RSRC1: variants seen among roughly 807,000 people sequenced by gnomAD.
The protein encoded by RSRC1 is arginine and serine rich coiled-coil 1, also known as serine/Arginine-related protein 53.
A neutral mutation model predicts 49.1 loss-of-function variants in RSRC1; 39 were observed. That is an observed-to-expected ratio of 0.79 (90% CI 0.61 to 1.04). RSRC1 has a LOEUF of 1.04. RSRC1 is among the 50% of genes least tolerant of loss of function. The probability of loss-of-function intolerance (pLI) is 0.00; values close to 1 mark genes in which losing one functional copy is unlikely to be tolerated. For missense variants in RSRC1, 388 were observed against 402.4 expected, an observed-to-expected ratio of 0.96 and a Z score of 0.31; for synonymous variants, 143 against 130.8, an observed-to-expected ratio of 1.09 and a Z score of -0.63.
At chr3:158,302,553 T>C (rs1727614757) in intron 5 of RSRC1, 2 of 139,512 alleles carry the variant, frequency 1.4e-5, no homozygotes, top group Non-Finnish European at 3.1e-5. Context: ...TAGATGTTGC[T>C]CCTGACTTTT....
intron 4 of RSRC1, among the ~76,000 whole-genome samples, chr3:158,203,783 G>A (rs899041609): frequency 1.6e-4 from 25 of 152,116 alleles, no homozygotes; most frequent in Non-Finnish European, 5.9e-5. Flanking sequence ...GAGTGTATCT[G>A]CTTATGAGGT....
At chr3:158,502,191 C>G (rs1311086973) in intron 7 of RSRC1, among the ~76,000 whole-genome samples, 1 of 152,122 alleles carries the variant, frequency 6.6e-6, no homozygotes, top group East Asian at 1.9e-4. Flanking sequence ...AAGATACGGC[C>G]CCAATCTCTG....
intron 7 of RSRC1, among the ~76,000 whole-genome samples, chr3:158,514,482 T>C (rs1340440197): frequency 6.6e-6 from 1 of 152,152 alleles, no homozygotes; most frequent in Non-Finnish European, 1.5e-5. Flanking sequence ...GTCTGAGAGA[T>C]AGTTTGTTAT....
chr3:158,447,830 T>C (rs1445786584), intron 6 of RSRC1, among the ~76,000 whole-genome samples: 3 of 152,028 alleles, frequency 2.0e-5, no homozygotes, highest in East Asian at 3.9e-4. Flanking sequence ...GAAATGACTT[T>C]TTCGATATCA....
chr3:158,214,656 A>C (rs1010707952), intron 4 of RSRC1, among the ~76,000 whole-genome samples: 1 of 151,706 alleles, frequency 6.6e-6, no homozygotes, highest in Non-Finnish European at 1.5e-5. Context: ...AATATTTTCT[A>C]ATTTTCCTTG....
At chr3:158,437,841 T>G (rs912698115) in intron 6 of RSRC1, among the ~76,000 whole-genome samples, 2 of 151,934 alleles carry the variant, frequency 1.3e-5, no homozygotes, top group African/African-American at 2.4e-5. Flanking sequence ...AAGAAAGAAA[T>G]AAAGGGTATT....
At chr3:158,139,940 C>A (rs1453122375) in intron 3 of RSRC1, among the ~76,000 whole-genome samples, 2 of 152,030 alleles carry the variant, frequency 1.3e-5, no homozygotes, top group Non-Finnish European at 2.9e-5. Context: ...GCCTGAATAT[C>A]CAATTAGTAT....
At chr3:158,272,446 T>C (rs1455642263) in intron 4 of RSRC1, among the ~76,000 whole-genome samples, 1 of 152,166 alleles carries the variant, frequency 6.6e-6, no homozygotes, top group African/African-American at 2.4e-5. Flanking sequence ...TTCCAGGCTT[T>C]TGTTTTTCTT....
rs1283989660 is a variant in RSRC1, at chr3:158,518,116, G to GCATATATATA, written c.653-18976_653-18975insCATATATATA. On this transcript the variant is annotated intron_variant, in intron 7 of 9. Transcript: ENST00000611884. ...CGTGCGTGTGTGTGTGTGTGTGTGT[G>GCATATATATA]TGTGTGTGTGTATATATATATATAT... Among the ~76,000 whole-genome samples, 52 of 80,364 alleles carry GCATATATATA rather than the reference G, an allele frequency of 6.5e-4. 4 individuals are homozygous for GCATATATATA. Among genetic ancestry groups the GCATATATATA allele is most frequent in the African/African-American group, 3.4e-3 (50 of 14,542 alleles). 52.7% of individuals were successfully genotyped at this position (80,364 alleles called of 152,430 possible).
intron 4 of RSRC1, among the ~76,000 whole-genome samples, chr3:158,256,322 G>A (rs1342515498): frequency 6.6e-6 from 1 of 152,160 alleles, no homozygotes; most frequent in Non-Finnish European, 1.5e-5. Context: ...AGATAATAAT[G>A]TGGTTTTTGT....
chr3:158,543,631 C>T, intron 9 of RSRC1, 144 bp downstream of exon 9: 1 of 785,052 alleles, frequency 1.3e-6, no homozygotes, highest in Non-Finnish European at 2.0e-6. Flanking sequence ...CATCTGGCCC[C>T]CAGGCCTTTA....
chr3:158,172,252 T>C (rs1718922340), intron 3 of RSRC1, among the ~76,000 whole-genome samples: 1 of 152,160 alleles, frequency 6.6e-6, no homozygotes, highest in Non-Finnish European at 1.5e-5. Context: ...AAGGAAACCA[T>C]GCCCAGACAT....
At chr3:158,254,180 G>T (rs1236387537) in intron 4 of RSRC1, among the ~76,000 whole-genome samples, 2 of 152,176 alleles carry the variant, frequency 1.3e-5, no homozygotes, top group African/African-American at 2.4e-5. Context: ...GGACATTTGG[G>T]TTGGTTCCAC....
Position 158,196,670 on chromosome 3 carries a change from G to A in RSRC1, c.321-6402G>A, listed in dbSNP as rs184490867. 3.7e-3 allele frequency among the ~76,000 whole-genome samples: 558 copies of A among 152,214 alleles called. 4 individuals are homozygous for A. The highest frequency in any genetic ancestry group is 8.1e-3 in the East Asian group (42 of 5,182). On this transcript the variant is annotated intron_variant, in intron 3 of 9. Coordinates refer to ENST00000611884, the MANE Select transcript of RSRC1 (RefSeq NM_001271838.2). ...GATAGCTCTTATTATTTTGAGATAT[G>A]TCTCATCAATACCTAATTTATTGAG...
chr3:158,260,043 C>T (rs543529444), intron 4 of RSRC1, among the ~76,000 whole-genome samples: 1 of 152,218 alleles, frequency 6.6e-6, no homozygotes, highest in South Asian at 2.1e-4. Flanking sequence ...GAATTGAGGA[C>T]CCCAGGTGTC....
chr3:158,216,419 G>A (rs1721945907), intron 4 of RSRC1, among the ~76,000 whole-genome samples: 1 of 150,610 alleles, frequency 6.6e-6, no homozygotes, highest in Non-Finnish European at 1.5e-5. Context: ...CTAATTTTTT[G>A]TATTCTTTTT....
chr3:158,422,256 T>C (rs1296574845), intron 6 of RSRC1, among the ~76,000 whole-genome samples: 40 of 125,476 alleles, frequency 3.2e-4, no homozygotes, highest in African/African-American at 1.2e-3. Context: ...CACCAGAGTG[T>C]GATGTTCCCC....
At chr3:158,178,859 A>T (rs1056914014) in intron 3 of RSRC1, among the ~76,000 whole-genome samples, 2 of 151,780 alleles carry the variant, frequency 1.3e-5, no homozygotes, top group African/African-American at 4.8e-5. Context: ...TTAGGTTTTG[A>T]CCTTTTTTTT....
At chr3:158,254,439 C>T (rs1559963357) in intron 4 of RSRC1, among the ~76,000 whole-genome samples, 1 of 149,590 alleles carries the variant, frequency 6.7e-6, no homozygotes, top group African/African-American at 2.5e-5. Context: ...TGTTTCCTGA[C>T]TTTTTTTTTT....
Sources: allele counts gnomAD v4.1 joint callset (sites outside exome capture counted in the v4.1 genomes callset), GRCh38; gene constraint gnomAD v4.1.1; transcripts MANE v1.5; gene names NCBI Gene and HGNC (gene_info 2026-07-23, HGNC 2026-07-21).